Variants in SLC30A5 observed in about 807,000 individuals in gnomAD.
SLC30A5 encodes the protein solute carrier family 30 member 5.
In SLC30A5, 33 loss-of-function variants were observed where a neutral mutation model predicts 79.6. That is an observed-to-expected ratio of 0.41 (90% CI 0.31 to 0.55). SLC30A5 has a LOEUF of 0.55. SLC30A5 is among the 20% of genes least tolerant of loss of function. The pLI is 0.20. For synonymous variants in SLC30A5, 299 were observed against 319.7 expected, an observed-to-expected ratio of 0.94 and a Z score of 0.69; for missense variants, 788 against 928.1, an observed-to-expected ratio of 0.85 and a Z score of 1.96.
intron 4 of SLC30A5, among the ~76,000 whole-genome samples, chr5:69,107,519 T>C (rs1243002494): frequency 7.0e-6 from 1 of 142,838 alleles, no homozygotes; most frequent in Non-Finnish European, 1.5e-5. Flanking sequence ...TCAAGTCTTA[T>C]GTTCTGTATA....
chr5:69,126,251 A>G (rs1333789794), intron 14 of SLC30A5, among the ~76,000 whole-genome samples: 1 of 152,184 alleles, frequency 6.6e-6, no homozygotes, highest in African/African-American at 2.4e-5. Context: ...TAAAATTAGT[A>G]AAGTTATCTC....
intron 5 of SLC30A5, among the ~76,000 whole-genome samples, chr5:69,112,063 A>G (rs2111967994): frequency 6.6e-6 from 1 of 152,066 alleles, no homozygotes. Context: ...ACTTTGGGAG[A>G]CCGAGGCGGG....
chr5:69,097,361 C>T (rs1209665770), intron 1 of SLC30A5, among the ~76,000 whole-genome samples: 1 of 152,124 alleles, frequency 6.6e-6, no homozygotes, highest in Admixed American at 6.5e-5. Context: ...GTGATCCGCC[C>T]GCCTGGGCCT....
rs1235868553 is a variant in SLC30A5, at chr5:69,129,529, G to T, written c.2210G>T (p.Gly737Val). The T allele has an allele frequency of 6.2e-6, 10 of 1,613,552 alleles. No individual in the cohort carries two copies. Among genetic ancestry groups the T allele is most frequent in the Non-Finnish European group, 7.6e-6 (9 of 1,179,796 alleles). The change falls in exon 16 of 16, where the codon GGC becomes GTC. Residue 737 changes from glycine to valine, a missense_variant. Gly to Val is a moderately radical substitution (Grantham distance 109). Transcript: ENST00000396591. ...EKEAYFQHMSGLSTGFHDVLA... is the reference protein window; with the variant it reads ...EKEAYFQHMSVLSTGFHDVLA... Reference sequence around the variant, plus strand: ...GAGGCATACTTTCAACATATGTCTGGCCTAAGTACTGGATTTCATGATGTT... The same window carrying T: ...GAGGCATACTTTCAACATATGTCTGTCCTAAGTACTGGATTTCATGATGTT...
chr5:69,113,878 A>T (rs553684043), intron 6 of SLC30A5, among the ~76,000 whole-genome samples: 1 of 152,348 alleles, frequency 6.6e-6, no homozygotes, highest in South Asian at 2.1e-4. Flanking sequence ...TGTTACAGTG[A>T]GGGAGAAGAG....
chr5:69,100,901 G>A lies in SLC30A5; in HGVS notation c.178G>A (p.Val60Ile). Residue 60 changes from valine to isoleucine, a missense_variant, in exon 2 of 16, where the codon GTT becomes ATT. Physicochemically the swap from Val to Ile is conservative, Grantham distance 29 (BLOSUM62 3). This residue lies in a region of SLC30A5 where 626 missense variants were observed against 755.5 expected (regional missense o/e 0.83). Coordinates refer to ENST00000396591, the MANE Select transcript of SLC30A5 (RefSeq NM_022902.5). ...TGATCTCCTAAAAGCTGTTCACATT[G>A]TTCAGTTCATTTTTATATTAAAACT... ...SYDLLKAVHI[V>I]QFIFILKLGT... The A allele has an allele frequency of 6.4e-7, 1 of 1,573,932 alleles. No individual in the cohort carries two copies. Among genetic ancestry groups the A allele is most frequent in the East Asian group, 2.4e-5 (1 of 41,680 alleles).
rs895234212 is a variant in SLC30A5 at position 69,104,831 on chromosome 5, T to C, written c.359+115T>C. The C allele has an allele frequency of 2.7e-5, 28 of 1,044,084 alleles. No homozygotes were observed. The African/African-American group carries it at 4.1e-4, about 15-fold the overall frequency. 64.7% of individuals were successfully genotyped at this position (1,044,084 alleles called of 1,614,324 possible). On this transcript the variant is annotated intron_variant, in intron 4 of 15. Transcript: ENST00000396591. ...ATCTGTACAAATGTGTCTAGCACTT[T>C]TATAGCATCAGAGAGAATTCAACAG...
rs1746141261 is a variant in SLC30A5, at chr5:69,108,334, G to A, written c.360-15G>A. 6 of 1,586,218 alleles carry A rather than the reference G, an allele frequency of 3.8e-6. No homozygotes were observed. Among genetic ancestry groups the A allele is most frequent in the Non-Finnish European group, 5.2e-6 (6 of 1,155,908 alleles). ...TAAATTACATTTCATAAATGATAAT[G>A]TTTTATTTTTGTAGGACTTTGCTGC... is the stretch of plus-strand genomic sequence containing the variant. On this transcript the variant is annotated splice_polypyrimidine_tract_variant and intron_variant, in intron 4 of 15. Transcript: ENST00000396591.
intron 11 of SLC30A5, among the ~76,000 whole-genome samples, chr5:69,118,177 A>C (rs1483186470): frequency 1.3e-5 from 1 of 79,736 alleles, no homozygotes; most frequent in South Asian, 3.6e-4. Context: ...ACTCTGTCTC[A>C]AAAAAAAAAA....
chr5:69,094,728 T>A (rs1199724913), intron 1 of SLC30A5, among the ~76,000 whole-genome samples: 2 of 152,080 alleles, frequency 1.3e-5, no homozygotes, highest in Admixed American at 1.3e-4. Context: ...GGTGTCACCA[T>A]CAGCTCTCTT....
At chr5:69,119,313 C>A (rs1746473181) in intron 12 of SLC30A5, among the ~76,000 whole-genome samples, 1 of 151,950 alleles carries the variant, frequency 6.6e-6, no homozygotes. Flanking sequence ...GCGCCTGCCA[C>A]CACGCCTGCC....
rs2111935509 is a variant in SLC30A5 at position 69,100,855 on chromosome 5, T to G, written c.132T>G (p.Ala44=). 1 of 1,608,558 alleles carries G rather than the reference T, an allele frequency of 6.2e-7. No homozygotes were observed. Among genetic ancestry groups the G allele is most frequent in the East Asian group, 2.2e-5 (1 of 44,586 alleles). The change falls in exon 2 of 16, where the codon GCT becomes GCG. Residue 44 remains alanine, a synonymous_variant. Transcript: ENST00000396591. ...TATGTTTCACTAAATTTTTGAAGGC[T>G]GTGGGACTTTTCGAATCATATGATC... ...VLLCFTKFLK[A]VGLFESYDLL... is the part of the protein sequence containing the mutation.
intron 15 of SLC30A5, 82 bp downstream of exon 15, chr5:69,128,214 AG>A: frequency 1.2e-6 from 1 of 842,194 alleles, no homozygotes; most frequent in Non-Finnish European, 1.8e-6. Context: ...ATGGCTCAGT[AG>A]TCATTTACTA....
intron 2 of SLC30A5, among the ~76,000 whole-genome samples, chr5:69,101,309 ACT>A (rs1328891716): frequency 6.6e-6 from 1 of 150,978 alleles, no homozygotes; most frequent in East Asian, 2.0e-4. Context: ...ACACAGTCTC[ACT>A]CTGTCACCAG....
chr5:69,121,945 A>C, intron 13 of SLC30A5, 50 bp downstream of exon 13: 1 of 1,440,968 alleles, frequency 6.9e-7, no homozygotes, highest in Non-Finnish European at 9.6e-7. Flanking sequence ...TTCTAAATCA[A>C]CCCTCTGTGT....
At chr5:69,106,136 T>C (rs1746074678) in intron 4 of SLC30A5, among the ~76,000 whole-genome samples, 1 of 152,148 alleles carries the variant, frequency 6.6e-6, no homozygotes, top group Admixed American at 6.5e-5. Context: ...ATAGAATAGC[T>C]TCTGGATTGG....
At chr5:69,125,519 ACT>A (rs1746655083) in intron 14 of SLC30A5, among the ~76,000 whole-genome samples, 1 of 132,196 alleles carries the variant, frequency 7.6e-6, no homozygotes, top group African/African-American at 2.9e-5. Context: ...ACAGAGCGAG[ACT>A]CTGTCCTTCC....
At chr5:69,114,604 C>T (rs568166464) in intron 7 of SLC30A5, 108 bp downstream of exon 7, 15 of 747,022 alleles carry the variant, frequency 2.0e-5, no homozygotes, top group South Asian at 3.3e-5. Flanking sequence ...CAGTGGCTCA[C>T]GCCTGAAATC....
chr5:69,129,397 A>T, intron 15 of SLC30A5, 50 bp from the exon 16 acceptor site: 1 of 1,386,998 alleles, frequency 7.2e-7, no homozygotes, highest in South Asian at 1.3e-5. Flanking sequence ...AGACGTGTGT[A>T]CTAAATGCAT....
Sources: gnomAD v4.1 joint callset for allele counts (sites outside exome capture counted in the v4.1 genomes callset) on GRCh38, gnomAD v4.1.1 for gene constraint, gnomAD v4.1.1 regional missense constraint, MANE v1.5 for transcripts, NCBI Gene and HGNC (gene_info 2026-07-23, HGNC 2026-07-21) for gene names.